PDXDC1: variants seen among roughly 807,000 people sequenced by gnomAD.
The protein encoded by PDXDC1 is pyridoxal-dependent decarboxylase domain-containing protein 1.
Under a neutral mutation model 100.1 loss-of-function variants are expected in PDXDC1, and 42 were observed. The observed-to-expected ratio is 0.42, with a 90% confidence interval of 0.33 to 0.54. The LOEUF (loss-of-function observed/expected upper bound fraction) is 0.54, where lower values mean the gene tolerates loss of function less well. Among genes scored for constraint, PDXDC1 ranks in the 20% least tolerant of loss-of-function variants. The pLI is 0.10. For synonymous variants in PDXDC1, 260 were observed against 371.7 expected, an observed-to-expected ratio of 0.70 and a Z score of 3.46; for missense variants, 636 against 979.2, an observed-to-expected ratio of 0.65 and a Z score of 4.68.
intron 16 of PDXDC1, among the ~76,000 whole-genome samples, chr16:15,046,697 CAAAAA>C (rs9331444): frequency 4.6e-5 from 2 of 43,620 alleles, no homozygotes; most frequent in Non-Finnish European, 7.9e-5. Flanking sequence ...CTGTCTCTAC[CAAAAA>C]AAAAAAAAAA....
At chr16:14,986,098 CA>C (rs1162285045) in intron 1 of PDXDC1, among the ~76,000 whole-genome samples, 248 of 144,610 alleles carry the variant, frequency 1.7e-3, no homozygotes, top group Non-Finnish European at 2.3e-3. Context: ...GGTCATGTCT[CA>C]AAAAAAAAAA....
chr16:14,974,873 G>A (rs1322097916), upstream of PDXDC1: 3 of 1,535,642 alleles, frequency 2.0e-6, no homozygotes, highest in Admixed American at 3.9e-5. Context: ...CTTCTACCTT[G>A]ATGATTGCAA....
intron 16 of PDXDC1, among the ~76,000 whole-genome samples, chr16:15,129,197 G>C (rs1176944435): frequency 2.0e-5 from 3 of 151,830 alleles, no homozygotes; most frequent in Admixed American, 6.6e-5. Context: ...GGCCAGGTGT[G>C]GTGGCTCACA....
intron 16 of PDXDC1, among the ~76,000 whole-genome samples, chr16:15,073,363 G>A (rs533714239): frequency 1.3e-5 from 2 of 152,150 alleles, no homozygotes; most frequent in East Asian, 1.9e-4. Flanking sequence ...AGGCTGAGGC[G>A]GATGAACCGC....
intron 16 of PDXDC1, chr16:15,128,345 G>A (rs1465707672): frequency 7.5e-6 from 12 of 1,607,928 alleles, no homozygotes; most frequent in East Asian, 2.2e-5. Context: ...TGGCCGCTCC[G>A]GCTGTCCACC....
At chr16:15,134,944 G>T in intron 16 of PDXDC1, 1 of 394,298 alleles carries the variant, frequency 2.5e-6, no homozygotes, top group Non-Finnish European at 4.9e-6. Context: ...GAGCGTGAGG[G>T]TGAGAACCGG....
intron 16 of PDXDC1, chr16:15,092,760 C>A: frequency 1.6e-6 from 1 of 628,952 alleles, no homozygotes. Flanking sequence ...AACCAACAAT[C>A]CTTCCTTTGC....
intron 1 of PDXDC1, among the ~76,000 whole-genome samples, chr16:14,981,976 C>T (rs1284732954): frequency 1.3e-5 from 2 of 152,258 alleles, no homozygotes; most frequent in Non-Finnish European, 2.9e-5. Context: ...TTACAGGCGC[C>T]CACCACCGCG....
At chr16:15,104,165 C>T (rs2046673775) in intron 16 of PDXDC1, 2 of 653,140 alleles carry the variant, frequency 3.1e-6, no homozygotes, top group East Asian at 6.8e-5. Context: ...AGAGCAAACT[C>T]CAGTCTCAAA....
rs35852184 is a variant in PDXDC1, at chr16:15,097,938, C to CTTTTTTTTT, written c.1400-40928_1400-40920dup. Among the ~76,000 whole-genome samples, 15 of 89,618 alleles carry CTTTTTTTTT rather than the reference C, an allele frequency of 1.7e-4. 1 individual carries two copies. Among genetic ancestry groups the CTTTTTTTTT allele is most frequent in the East Asian group, 7.2e-4 (2 of 2,786 alleles). The allele number at this position is 89,618 out of a possible 152,430, so 58.8% of individuals were successfully genotyped here. A position where few individuals can be genotyped will look rare whatever the true frequency, so the allele number is the denominator to read the frequency against. ...ACTGCTGTTTGTTTTCAACATTATG[C>CTTTTTTTTT]TTTTTTTTTTTTTTTTTTTTTGAGA... On this transcript the variant is annotated intron_variant, in intron 16 of 16. Coordinates refer to the PDXDC1 transcript ENST00000535621.
At chr16:15,061,899 C>G (rs2044728959) in intron 16 of PDXDC1, 1 of 1,611,090 alleles carries the variant, frequency 6.2e-7, no homozygotes, top group Non-Finnish European at 8.5e-7. Flanking sequence ...TCATCTTCCA[C>G]TATGTCCTGC....
intron 16 of PDXDC1, chr16:15,108,122 C>T: frequency 2.3e-6 from 2 of 863,138 alleles, no homozygotes; most frequent in Non-Finnish European, 2.8e-6. Context: ...TAGGTGACAA[C>T]TGCAAACCAT....
At chr16:15,148,598 G>A in the PDXDC1 span, among the ~76,000 whole-genome samples, 66 of 151,310 alleles carry the variant, frequency 4.4e-4, no homozygotes, top group African/African-American at 1.5e-3. Flanking sequence ...TGCCCAGGCT[G>A]GTGTCAAACT....
At chr16:15,123,966 G>T (rs2047564686) in intron 16 of PDXDC1, among the ~76,000 whole-genome samples, 1 of 151,184 alleles carries the variant, frequency 6.6e-6, no homozygotes, top group Admixed American at 6.6e-5. Context: ...ACCGAGTGAT[G>T]ATGTCCTTAT....
intron 22 of PDXDC1, 41 bp downstream of exon 22, chr16:15,035,594 C>A: frequency 8.1e-7 from 1 of 1,235,978 alleles, no homozygotes; most frequent in East Asian, 2.5e-5. Context: ...AACAGGTTTC[C>A]CCTGTTGACT....
downstream of PDXDC1, among the ~76,000 whole-genome samples, chr16:15,143,588 G>C (rs2048507763): frequency 6.6e-6 from 1 of 152,222 alleles, no homozygotes; most frequent in African/African-American, 2.4e-5. Context: ...GTTGGCGCGA[G>C]GGTGGGTGAA....
At chr16:15,100,745 G>A (rs1026720918) in intron 16 of PDXDC1, among the ~76,000 whole-genome samples, 2 of 152,194 alleles carry the variant, frequency 1.3e-5, no homozygotes, top group East Asian at 1.9e-4. Context: ...ATGGGAGGGT[G>A]AGGCAGGAGA....
chr16:15,027,551 G>C (rs1439505745), intron 14 of PDXDC1, among the ~76,000 whole-genome samples: 1 of 152,292 alleles, frequency 6.6e-6, no homozygotes. Flanking sequence ...GAGAATGAGT[G>C]CAAGGTTTTA....
intron 19 of PDXDC1, among the ~76,000 whole-genome samples, chr16:15,033,601 A>T (rs1051899088): frequency 6.6e-6 from 1 of 152,212 alleles, no homozygotes. Context: ...TGATCTCACA[A>T]GCTCAGGGGG....
Sources: allele counts gnomAD v4.1 joint callset (sites outside exome capture counted in the v4.1 genomes callset), GRCh38; gene constraint gnomAD v4.1.1; transcripts MANE v1.5; gene names NCBI Gene and HGNC (gene_info 2026-07-23, HGNC 2026-07-21).